KLF12: variants seen among roughly 807,000 people sequenced by gnomAD.
KLF12 encodes KLF transcription factor 12.
A neutral mutation model predicts 37.8 loss-of-function variants in KLF12; 9 were observed. The ratio of observed to expected loss-of-function variants is 0.24; its 90% confidence interval spans 0.14 to 0.42. The LOEUF is 0.42. Ranked by LOEUF, KLF12 falls within the 10% of genes least tolerant of loss-of-function variation. The pLI, the probability that KLF12 is intolerant of heterozygous loss-of-function variation, is 1.00. For missense variants in KLF12, 411 were observed against 516.0 expected, an observed-to-expected ratio of 0.80 and a Z score of 1.97; for synonymous variants, 208 against 202.1, an observed-to-expected ratio of 1.03 and a Z score of -0.25.
chr13:73,701,855 T>G (rs999178609), intron 7 of KLF12, among the ~76,000 whole-genome samples: 9 of 152,116 alleles, frequency 5.9e-5, no homozygotes, highest in African/African-American at 1.7e-4. Flanking sequence ...AAAAAGAATA[T>G]GACCATTTTC....
At chr13:73,918,336 C>A (rs1158630901) in intron 3 of KLF12, among the ~76,000 whole-genome samples, 1 of 152,156 alleles carries the variant, frequency 6.6e-6, no homozygotes, top group Non-Finnish European at 1.5e-5. Context: ...AATATTTCTA[C>A]CTTGAAGTTC....
chr13:74,235,529 A>C, the KLF12 span, among the ~76,000 whole-genome samples: 2 of 152,230 alleles, frequency 1.3e-5, no homozygotes, highest in Admixed American at 1.3e-4. Context: ...AATATCTTTG[A>C]CTAAAATATG....
chr13:74,137,038 G>T (rs1878583876), upstream of KLF12, among the ~76,000 whole-genome samples: 1 of 152,204 alleles, frequency 6.6e-6, no homozygotes, highest in South Asian at 2.1e-4. Flanking sequence ...GTGTACACAC[G>T]CATGCGTTTC....
At chr13:73,702,172 G>A (rs998012043) in intron 7 of KLF12, among the ~76,000 whole-genome samples, 1 of 151,920 alleles carries the variant, frequency 6.6e-6, no homozygotes, top group Non-Finnish European at 1.5e-5. Context: ...AAGTGTTCTG[G>A]GAAAACAAAA....
chr13:73,834,346 T>A (rs886646847), intron 4 of KLF12, among the ~76,000 whole-genome samples: 2 of 152,194 alleles, frequency 1.3e-5, no homozygotes, highest in Admixed American at 1.3e-4. Context: ...ATGCTCCTAC[T>A]GAACTCCTAA....
chr13:74,004,442 C>T (rs1432130801), intron 1 of KLF12, among the ~76,000 whole-genome samples: 2 of 152,116 alleles, frequency 1.3e-5, no homozygotes, highest in African/African-American at 4.8e-5. Context: ...TAACAAGCGG[C>T]AAAGGCAGAA....
rs1195395567 is a variant in KLF12 at position 73,809,548 on chromosome 13, T to C, written c.806+3604A>G. ...TTATATTTAATAAAATTTTAAGATTTATTGACTTCTCTCACCACTTCTGTC... is the reference window on the plus strand; with the variant it reads ...TTATATTTAATAAAATTTTAAGATTCATTGACTTCTCTCACCACTTCTGTC... On this transcript the variant is annotated intron_variant, in intron 5 of 7. Coordinates refer to ENST00000377669, the MANE Select transcript of KLF12 (RefSeq NM_007249.5). 6.0e-5 allele frequency among the ~76,000 whole-genome samples: 6 copies of C among 99,708 alleles called. No individual in the cohort carries two copies. The East Asian group carries it at 2.0e-3, about 34-fold the overall frequency. 65.4% of individuals were successfully genotyped at this position (99,708 alleles called of 152,430 possible).
chr13:73,896,318 TG>T (rs1213246428), intron 3 of KLF12, among the ~76,000 whole-genome samples: 1 of 152,252 alleles, frequency 6.6e-6, no homozygotes, highest in Non-Finnish European at 1.5e-5. Context: ...TTTAAAATTT[TG>T]GATGAGAAAC....
chr13:74,247,376 A>G, the KLF12 span, among the ~76,000 whole-genome samples: 2 of 152,142 alleles, frequency 1.3e-5, no homozygotes, highest in Non-Finnish European at 1.5e-5. Flanking sequence ...CCAGCCACAC[A>G]TGGGCAATTT....
rs901114684 is a variant in KLF12 at position 74,116,910 on chromosome 13, T to G, written c.-32+16829A>C. ...ACCAGGGAACCAAGATAATGAAAAG[T>G]TAGCCAAGAGCAAACGTAAGAAAAA... On this transcript the variant is annotated intron_variant, in intron 1 of 7. Transcript: ENST00000377669. Among the ~76,000 whole-genome samples, 23 of 152,072 alleles carry G rather than the reference T, an allele frequency of 1.5e-4. 1 individual carries two copies. Among genetic ancestry groups the G allele is most frequent in the Admixed American group, 3.3e-4 (5 of 15,260 alleles).
the KLF12 span, among the ~76,000 whole-genome samples, chr13:74,249,813 T>G: frequency 1.3e-5 from 2 of 152,166 alleles, no homozygotes; most frequent in Non-Finnish European, 2.9e-5. Context: ...AGGAGGCGTT[T>G]CTTCAGTTAG....
intron 2 of KLF12, among the ~76,000 whole-genome samples, chr13:73,954,293 C>T (rs1403776452): frequency 2.6e-5 from 4 of 152,022 alleles, no homozygotes; most frequent in Non-Finnish European, 5.9e-5. Flanking sequence ...TTGTCTTTTT[C>T]TAAGAATCTA....
chr13:74,017,252 T>C (rs1290404452), intron 1 of KLF12, among the ~76,000 whole-genome samples: 1 of 61,694 alleles, frequency 1.6e-5, no homozygotes, highest in African/African-American at 7.5e-5. Context: ...ATAAGTGCCC[T>C]CAACCTAAAA....
At chr13:74,137,302 T>C (rs1345780638), upstream of KLF12, among the ~76,000 whole-genome samples, 1 of 152,218 alleles carries the variant, frequency 6.6e-6, no homozygotes, top group Non-Finnish European at 1.5e-5. Flanking sequence ...GAAAGTACGG[T>C]CATAGAATTT....
intron 1 of KLF12, among the ~76,000 whole-genome samples, chr13:74,115,427 G>A (rs533092347): frequency 1.6e-4 from 24 of 152,240 alleles, no homozygotes; most frequent in South Asian, 1.0e-3. Flanking sequence ...CTTTTCCACC[G>A]GGCATGGTGG....
At chr13:73,916,557 T>G (rs1888858001) in intron 3 of KLF12, among the ~76,000 whole-genome samples, 2 of 152,232 alleles carry the variant, frequency 1.3e-5, no homozygotes, top group Admixed American at 6.5e-5. Flanking sequence ...GTACAATGCT[T>G]TATATAGCCA....
intron 5 of KLF12, among the ~76,000 whole-genome samples, chr13:73,804,255 T>A (rs1017606541): frequency 6.6e-6 from 1 of 152,210 alleles, no homozygotes; most frequent in Non-Finnish European, 1.5e-5. Flanking sequence ...GTTCATCCCA[T>A]AAAGTTTGAC....
chr13:74,222,565 A>G, the KLF12 span, among the ~76,000 whole-genome samples: 27 of 152,210 alleles, frequency 1.8e-4, no homozygotes, highest in Non-Finnish European at 3.7e-4. Context: ...CCTTTTTAAA[A>G]TAGGTTAATT....
intron 6 of KLF12, among the ~76,000 whole-genome samples, chr13:73,745,023 T>A (rs1168302290): frequency 2.0e-5 from 3 of 152,208 alleles, no homozygotes; most frequent in African/African-American, 7.2e-5. Flanking sequence ...GCTAATGTAA[T>A]CAGTCACTTT....
Sources: allele counts gnomAD v4.1 joint callset (sites outside exome capture counted in the v4.1 genomes callset), GRCh38; gene constraint gnomAD v4.1.1; transcripts MANE v1.5; gene names NCBI Gene and HGNC (gene_info 2026-07-23, HGNC 2026-07-21).